GNA14: variants seen among roughly 807,000 people sequenced by gnomAD.
GNA14 encodes guanine nucleotide-binding protein subunit alpha-14.
GNA14 carries 50 observed loss-of-function variants against 42.0 expected under a neutral mutation model. The ratio of observed to expected loss-of-function variants is 1.19; its 90% CI spans 0.95 to 1.51. GNA14 has a LOEUF of 1.51. GNA14 is among the 40% of genes most tolerant of loss of function. The pLI is 0.00. For synonymous variants in GNA14, 173 were observed against 163.1 expected, an observed-to-expected ratio of 1.06 and a Z score of -0.46; for missense variants, 473 against 446.2, an observed-to-expected ratio of 1.06 and a Z score of -0.54.
intron 1 of GNA14, among the ~76,000 whole-genome samples, chr9:77,600,239 C>G (rs186153700): frequency 4.2e-4 from 64 of 152,300 alleles, no homozygotes; most frequent in Admixed American, 1.7e-3. Flanking sequence ...AAAGTACACC[C>G]CTTTTCTTCC....
rs1835609493 is a variant in GNA14, at chr9:77,434,401, C to T, written c.431G>A (p.Arg144Lys). 1.9e-6 allele frequency: 3 copies of T among 1,614,020 alleles called. No individual in the cohort carries two copies. The highest frequency in any genetic ancestry group is 1.3e-5 in the African/African-American group (1 of 74,924). The change falls in exon 3 of 7, where the codon AGG becomes AAG. Residue 144 changes from arginine (R) to lysine (K), a missense_variant. By Grantham distance (26) the Arg-to-Lys change is conservative. Coordinates refer to ENST00000341700, the MANE Select transcript of GNA14 (RefSeq NM_004297.4). ...AGAGTCCGACAGCTGGTACTCCCTC[C>T]TCCTGTCGTAACACTCCTGGATGCC... ...DPGIQECYDRRREYQLSDSAK... is the reference protein window; with the variant it reads ...DPGIQECYDRKREYQLSDSAK...
chr9:77,428,747 A>G (rs1835495165), intron 5 of GNA14, among the ~76,000 whole-genome samples, 160 bp downstream of exon 5: 1 of 152,226 alleles, frequency 6.6e-6, no homozygotes, highest in African/African-American at 2.4e-5. Context: ...CTAACAAGCC[A>G]TGCAGGTGAT....
At chr9:77,620,423 C>A (rs1202016502) in intron 1 of GNA14, among the ~76,000 whole-genome samples, 3 of 152,278 alleles carry the variant, frequency 2.0e-5, no homozygotes, top group Non-Finnish European at 4.4e-5. Context: ...ACAGATGATG[C>A]AGCAAGTATA....
At position 77,507,199 on chromosome 9, in the gene GNA14, T is replaced by C. The variant is rs145617934; in HGVS notation, c.309+21870A>G. On this transcript the variant is annotated intron_variant, in intron 2 of 6. Coordinates refer to ENST00000341700, the MANE Select transcript of GNA14 (RefSeq NM_004297.4). ...TCCATCTCACCATCTCTTTTAAAAG[T>C]CAGAACACTTCAGAGCAGGAAAATA... is the stretch of plus-strand genomic sequence containing the variant. Among the ~76,000 whole-genome samples, 839 of 152,304 alleles carry C rather than the reference T, an allele frequency of 5.5e-3. 5 individuals are homozygous for C. Among genetic ancestry groups the C allele is most frequent in the African/African-American group, 0.019 (808 of 41,562 alleles).
At chr9:77,508,911 G>A (rs1379817456) in intron 2 of GNA14, among the ~76,000 whole-genome samples, 1 of 152,078 alleles carries the variant, frequency 6.6e-6, no homozygotes, top group Non-Finnish European at 1.5e-5. Context: ...TGAAAAGGAA[G>A]AAATAAGAAC....
chr9:77,467,383 AC>A (rs1836254433), intron 2 of GNA14, among the ~76,000 whole-genome samples: 1 of 151,268 alleles, frequency 6.6e-6, no homozygotes, highest in Non-Finnish European at 1.5e-5. Context: ...CTAACCCATG[AC>A]CCTCTCTGAT....
At position 77,613,546 on chromosome 9, in the gene GNA14, C is replaced by G. The variant is rs151080933; in HGVS notation, c.124+34124G>C. Among the ~76,000 whole-genome samples the G allele has an allele frequency of 4.3e-3, 649 of 152,236 alleles. 2 individuals are homozygous for G. Among genetic ancestry groups the G allele is most frequent in the African/African-American group, 0.014 (589 of 41,534 alleles). Reference sequence around the variant, plus strand: ...AGCGTAGATCTTAAGTGTGTTATCTCTAATAATAACAAAAGGGGCAGGAGG... The same window carrying G: ...AGCGTAGATCTTAAGTGTGTTATCTGTAATAATAACAAAAGGGGCAGGAGG... On this transcript the variant is annotated intron_variant, in intron 1 of 6. Transcript: ENST00000341700.
At chr9:77,603,860 TGTGAACCTGGGAG>T (rs1381199692) in intron 1 of GNA14, among the ~76,000 whole-genome samples, 2 of 142,026 alleles carry the variant, frequency 1.4e-5, no homozygotes, top group African/African-American at 2.6e-5. Context: ...GGGAGAATGG[TGTGAACCTGGGAG>T]GTGGAGCTTG....
intron 1 of GNA14, among the ~76,000 whole-genome samples, chr9:77,552,854 ACTTAT>A (rs948763582): frequency 6.6e-6 from 1 of 152,222 alleles, no homozygotes; most frequent in Non-Finnish European, 1.5e-5. Context: ...TCAGATTCTA[ACTTAT>A]TTTCCATCCA....
At chr9:77,475,517 T>C (rs777005443) in intron 2 of GNA14, among the ~76,000 whole-genome samples, 2 of 151,958 alleles carry the variant, frequency 1.3e-5, no homozygotes, top group African/African-American at 2.4e-5. Context: ...GGTCCTTCGG[T>C]AAAACAGTAG....
At chr9:77,647,014 G>T (rs749691337) in intron 1 of GNA14, among the ~76,000 whole-genome samples, 21 of 152,210 alleles carry the variant, frequency 1.4e-4, no homozygotes, top group Non-Finnish European at 2.8e-4. Flanking sequence ...CAAACACAAA[G>T]GCCTGAGGGA....
At chr9:77,629,760 A>C (rs1824066560) in intron 1 of GNA14, among the ~76,000 whole-genome samples, 1 of 152,208 alleles carries the variant, frequency 6.6e-6, no homozygotes, top group Non-Finnish European at 1.5e-5. Flanking sequence ...TGATAGCATT[A>C]GAAGAAATAC....
intron 2 of GNA14, among the ~76,000 whole-genome samples, chr9:77,471,796 T>C (rs1836334363): frequency 6.6e-6 from 1 of 152,170 alleles, no homozygotes. Context: ...CCACACCTGG[T>C]GTTTAAGGAC....
chr9:77,621,297 T>G (rs938335188), intron 1 of GNA14, among the ~76,000 whole-genome samples: 2 of 152,218 alleles, frequency 1.3e-5, no homozygotes, highest in African/African-American at 4.8e-5. Context: ...TGAAGATAAT[T>G]TTTTTGGATA....
At chr9:77,511,039 T>C (rs1837157669) in intron 2 of GNA14, among the ~76,000 whole-genome samples, 1 of 147,342 alleles carries the variant, frequency 6.8e-6, no homozygotes, top group Admixed American at 6.8e-5. Context: ...TAGGGCACCA[T>C]GCATTTTCCC....
chr9:77,532,330 C>T (rs17785979), intron 1 of GNA14, among the ~76,000 whole-genome samples: 3 of 152,146 alleles, frequency 2.0e-5, no homozygotes, highest in African/African-American at 4.8e-5. Flanking sequence ...CATCAGCTTA[C>T]GTGCAGTCTT....
chr9:77,424,184 A>G lies in GNA14; in HGVS notation c.878-15T>C, dbSNP rs1267742053. 1 of 1,575,106 alleles carries G rather than the reference A, an allele frequency of 6.3e-7. No individual in the cohort carries two copies. On this transcript the variant is annotated splice_polypyrimidine_tract_variant and intron_variant, in intron 6 of 6. Coordinates refer to ENST00000341700, the MANE Select transcript of GNA14 (RefSeq NM_004297.4). ...CTGTTTCGGTCCTAGTCACAAGTGC[A>G]ATTACAGGAATAAAGACACAGACTT...
chr9:77,646,064 T>C (rs560274409), intron 1 of GNA14, among the ~76,000 whole-genome samples: 1 of 152,204 alleles, frequency 6.6e-6, no homozygotes, highest in Admixed American at 6.5e-5. Context: ...AATTTAGAAT[T>C]TTCAGACTTT....
rs143068113 is a variant in GNA14 at position 77,543,895 on chromosome 9, T to TG, written c.125-14643dup. 8.1e-3 allele frequency among the ~76,000 whole-genome samples: 1,231 copies of TG among 152,358 alleles called. 20 individuals carry two copies. The highest frequency in any genetic ancestry group is 0.028 in the African/African-American group (1,169 of 41,584). On this transcript the variant is annotated intron_variant, in intron 1 of 6. Transcript: ENST00000341700. ...GGTCATCTTGCCTCCTTCCCATAAG[T>TG]GCATTTAAAAGTTCAAATGCAGTGA...
Sources: allele counts gnomAD v4.1 joint callset (sites outside exome capture counted in the v4.1 genomes callset), GRCh38; gene constraint gnomAD v4.1.1; transcripts MANE v1.5; gene names NCBI Gene and HGNC (gene_info 2026-07-23, HGNC 2026-07-21).